KIAA2012: variants seen among roughly 807,000 people sequenced by gnomAD.
KIAA2012 encodes uncharacterized protein KIAA2012.
KIAA2012 carries 125 observed loss-of-function variants against 150.6 expected under a neutral mutation model. The ratio of observed to expected loss-of-function variants is 0.83; its 90% CI spans 0.72 to 0.96. The LOEUF is 0.96. KIAA2012 is among the 40% of genes least tolerant of loss of function. KIAA2012 has a pLI of 0.00. For missense variants in KIAA2012, 1,219 were observed against 1,354.9 expected, an observed-to-expected ratio of 0.90 and a Z score of 1.57; for synonymous variants, 462 against 504.7, an observed-to-expected ratio of 0.92 and a Z score of 1.13.
At chr2:202,184,919 T>G (rs993329642) in intron 16 of KIAA2012, 76 bp downstream of exon 16, 9 of 1,257,352 alleles carry the variant, frequency 7.2e-6, no homozygotes, top group African/African-American at 3.1e-5. Context: ...TTTAGTTTGG[T>G]TTTTTTTCAG....
chr2:202,167,311 T>A (rs1691789901), intron 15 of KIAA2012, among the ~76,000 whole-genome samples: 1 of 152,210 alleles, frequency 6.6e-6, no homozygotes, highest in Non-Finnish European at 1.5e-5. Flanking sequence ...GAATCACCTG[T>A]AAGGCTTATT....
rs777994333 is a variant in KIAA2012 at position 202,174,796 on chromosome 2, C to CT, written c.2119+9447dup. On this transcript the variant is annotated intron_variant, in intron 15 of 23. Transcript: ENST00000498697. ...CATATCTCTCAAAGATGAGAAATGACTTTTTTTATTATTATTATACTTTAA... is the reference window on the plus strand; with the variant it reads ...CATATCTCTCAAAGATGAGAAATGACTTTTTTTTATTATTATTATACTTTAA... 5.9e-5 allele frequency among the ~76,000 whole-genome samples: 9 copies of CT among 152,128 alleles called. No homozygotes were observed. In the South Asian group the frequency reaches 1.2e-3, roughly 21 times the overall value.
At chr2:202,164,012 T>C (rs1274494203) in intron 14 of KIAA2012, among the ~76,000 whole-genome samples, 1 of 151,818 alleles carries the variant, frequency 6.6e-6, no homozygotes, top group African/African-American at 2.4e-5. Flanking sequence ...AAATAGCAGA[T>C]AATTAGTTGT....
chr2:202,084,426 G>C (rs919436278), intron 2 of KIAA2012, among the ~76,000 whole-genome samples: 2 of 152,228 alleles, frequency 1.3e-5, no homozygotes, highest in African/African-American at 4.8e-5. Context: ...GACCTCATAT[G>C]CATCAGGAAG....
At chr2:202,175,566 T>C (rs562932523) in intron 15 of KIAA2012, among the ~76,000 whole-genome samples, 1 of 152,346 alleles carries the variant, frequency 6.6e-6, no homozygotes, top group South Asian at 2.1e-4. Flanking sequence ...AGAGCTATCT[T>C]GCCCCTTTTA....
intron 22 of KIAA2012, among the ~76,000 whole-genome samples, chr2:202,200,309 T>C (rs1437091596): frequency 6.6e-6 from 1 of 152,170 alleles, no homozygotes; most frequent in Non-Finnish European, 1.5e-5. Context: ...TCAGTTTTTC[T>C]GGCACCAAAA....
At chr2:202,097,684 G>C (rs2105919422) in intron 5 of KIAA2012, 107 bp downstream of exon 5, 1 of 1,272,276 alleles carries the variant, frequency 7.9e-7, no homozygotes, top group East Asian at 2.5e-5. Context: ...CCGCCTCCTG[G>C]GTTCAAGCAT....
intron 9 of KIAA2012, among the ~76,000 whole-genome samples, chr2:202,106,572 C>T (rs189058373): frequency 1.6e-4 from 25 of 152,084 alleles, no homozygotes; most frequent in African/African-American, 5.8e-4. Flanking sequence ...CTGTAATCCC[C>T]GCTACTCGGG....
Position 202,090,872 on chromosome 2 carries a change from C to T in KIAA2012, c.472C>T (p.Leu158Phe). 6.4e-7 allele frequency: 1 copy of T among 1,550,568 alleles called. No individual in the cohort carries two copies. Among genetic ancestry groups the T allele is most frequent in the Non-Finnish European group, 8.7e-7 (1 of 1,146,946 alleles). Residue 158 changes from leucine to phenylalanine, a missense_variant, in exon 3 of 24, where the codon CTC (leucine) becomes TTC (phenylalanine). Coordinates refer to ENST00000498697, the MANE Select transcript of KIAA2012 (RefSeq NM_001277372.4). ...IQPGHSAKRY[L>F]RGLLRTWPPD... is the part of the protein sequence containing the mutation. Reference sequence around the variant, plus strand: ...GCCAGGGCATTCAGCCAAGAGATACCTCCGAGGCCTCCTGCGGACTTGGCC... The same window carrying T: ...GCCAGGGCATTCAGCCAAGAGATACTTCCGAGGCCTCCTGCGGACTTGGCC...
At chr2:202,121,190 G>T (rs11894025) in intron 11 of KIAA2012, among the ~76,000 whole-genome samples, 3,517 of 152,260 alleles carry the variant, frequency 0.023, 138 homozygotes, top group African/African-American at 0.079. Context: ...AGGAACCAGG[G>T]TGCTCAGGTA....
intron 13 of KIAA2012, among the ~76,000 whole-genome samples, chr2:202,150,010 AGATAT>A (rs1691389025): frequency 6.6e-6 from 1 of 152,228 alleles, no homozygotes; most frequent in Admixed American, 6.5e-5. Flanking sequence ...GTGTAAGTCT[AGATAT>A]TTGTACGGAA....
At chr2:202,108,874 A>G (rs1350223702) in intron 9 of KIAA2012, among the ~76,000 whole-genome samples, 1 of 152,224 alleles carries the variant, frequency 6.6e-6, no homozygotes, top group East Asian at 1.9e-4. Context: ...ATTAATAGCA[A>G]CTATTGTTTT....
chr2:202,203,136 C>T (rs1184021538), intron 23 of KIAA2012, among the ~76,000 whole-genome samples: 4 of 152,122 alleles, frequency 2.6e-5, no homozygotes, highest in Non-Finnish European at 5.9e-5. Flanking sequence ...ATCCAGAAGC[C>T]TTGGTGCCTA....
At chr2:202,193,815 A>G (rs949117308) in intron 20 of KIAA2012, among the ~76,000 whole-genome samples, 4 of 152,326 alleles carry the variant, frequency 2.6e-5, no homozygotes. Flanking sequence ...TTCAGTCCAG[A>G]AAACACTTGT....
At chr2:202,182,521 A>G (rs1205630773) in intron 15 of KIAA2012, among the ~76,000 whole-genome samples, 2 of 152,134 alleles carry the variant, frequency 1.3e-5, no homozygotes, top group East Asian at 3.8e-4. Context: ...GCTGAGTTGT[A>G]TTGTATTGTA....
At chr2:202,146,399 G>C (rs1055952087) in intron 13 of KIAA2012, among the ~76,000 whole-genome samples, 109 of 152,212 alleles carry the variant, frequency 7.2e-4, no homozygotes, top group African/African-American at 2.6e-3. Context: ...TTGGGAGGCT[G>C]AGGTGGGTGG....
chr2:202,134,864 T>C lies in KIAA2012; in HGVS notation c.1832-3568T>C, dbSNP rs559797904. ...GCCACCACGCCCTGCCGACTATGTT[T>C]CATTTTTATTGAAAACAACAAACAA... On this transcript the variant is annotated intron_variant, in intron 12 of 23. Transcript: ENST00000498697. Among the ~76,000 whole-genome samples, 10 of 152,368 alleles carry C rather than the reference T, an allele frequency of 6.6e-5. No homozygotes were observed. In the South Asian group the frequency reaches 1.2e-3, roughly 19 times the overall value.
rs926766566 is a variant in KIAA2012, at chr2:202,073,636, G to A, written c.9G>A (p.Thr3=). Residue 3 remains threonine, a synonymous_variant, in exon 1 of 24, where the codon ACG becomes ACA. Transcript: ENST00000498697. ...GGTGGTCAGAGGGAAACATGTTCAC[G>A]CTCTCCCTCCTGAGCCGGGGCCACG... MF[T]LSLLSRGHGK... 37 of 1,550,148 alleles carry A rather than the reference G, an allele frequency of 2.4e-5. No homozygotes were observed. The African/African-American group carries it at 2.7e-4, about 11-fold the overall frequency.
At position 202,092,352 on chromosome 2, in the gene KIAA2012, T is replaced by C. The variant is rs1689744841; in HGVS notation, c.530-678T>C. Among the ~76,000 whole-genome samples, 3 of 152,328 alleles carry C rather than the reference T, an allele frequency of 2.0e-5. 1 individual carries two copies. Among genetic ancestry groups the C allele is most frequent in the African/African-American group, 7.2e-5 (3 of 41,574 alleles). ...AGCTCCCCACTTTATGATACTAATG[T>C]ACATATTCTCTTGGATTTCTTTACA... On this transcript the variant is annotated intron_variant, in intron 3 of 23. Coordinates refer to ENST00000498697, the MANE Select transcript of KIAA2012 (RefSeq NM_001277372.4).
Sources: allele counts gnomAD v4.1 joint callset (sites outside exome capture counted in the v4.1 genomes callset), GRCh38; gene constraint gnomAD v4.1.1; transcripts MANE v1.5; gene names NCBI Gene and HGNC (gene_info 2026-07-23, HGNC 2026-07-21).